TCF7L2: variants seen among roughly 807,000 people sequenced by gnomAD.
The protein encoded by TCF7L2 is transcription factor 7 like 2, also known as transcription factor 7-like 2.
In TCF7L2, 23 loss-of-function variants were observed where a neutral mutation model predicts 77.9. That is an observed-to-expected ratio of 0.30 (90% CI 0.21 to 0.42). TCF7L2 has a LOEUF of 0.42. TCF7L2 is among the 10% of genes least tolerant of loss of function. TCF7L2 has a pLI of 1.00. For synonymous variants in TCF7L2, 413 were observed against 340.2 expected, an observed-to-expected ratio of 1.21 and a Z score of -2.36; for missense variants, 654 against 793.1, an observed-to-expected ratio of 0.82 and a Z score of 2.11.
At chr10:113,149,306 T>C (rs1028816538) in intron 8 of TCF7L2, among the ~76,000 whole-genome samples, 5 of 152,240 alleles carry the variant, frequency 3.3e-5, no homozygotes, top group Non-Finnish European at 7.3e-5. Context: ...TCCTTACATT[T>C]TCCTTCTCTC....
intron 4 of TCF7L2, among the ~76,000 whole-genome samples, chr10:113,028,741 G>T (rs1001527338): frequency 6.6e-6 from 1 of 152,192 alleles, no homozygotes; most frequent in African/African-American, 2.4e-5. Context: ...ATGGGGAGGA[G>T]AACCTAATTA....
At chr10:113,084,135 C>T (rs2059589683) in intron 5 of TCF7L2, among the ~76,000 whole-genome samples, 1 of 152,166 alleles carries the variant, frequency 6.6e-6, no homozygotes. Flanking sequence ...TCTCCAGAGA[C>T]ATAAAACCAA....
At chr10:112,952,926 C>G (rs1195523497) in intron 3 of TCF7L2, among the ~76,000 whole-genome samples, 1 of 151,888 alleles carries the variant, frequency 6.6e-6, no homozygotes, top group Admixed American at 6.6e-5. Context: ...ACGCAAGACG[C>G]ATTTGTGCCC....
Position 113,097,396 on chromosome 10 carries a change from T to C in TCF7L2, c.553-43788T>C, listed in dbSNP as rs1348082792. 5.9e-5 allele frequency among the ~76,000 whole-genome samples: 9 copies of C among 152,224 alleles called. No individual in the cohort carries two copies. In the East Asian group the frequency reaches 1.7e-3, roughly 29 times the overall value. The stretch of plus-strand genomic sequence containing the variant: ...GGCCGGGCACGGTGGCTCACGCCTA[T>C]AATCCCAGCACTTTGGGAAGCCAAG... On this transcript the variant is annotated intron_variant, in intron 5 of 13. Transcript: ENST00000627217.
Position 113,033,266 on chromosome 10 carries a change from C to T in TCF7L2, c.451-6759C>T. Among the ~76,000 whole-genome samples the T allele has an allele frequency of 1.4e-5, 2 of 147,560 alleles. 1 individual carries two copies. The highest frequency in any genetic ancestry group is 4.0e-4 in the East Asian group (2 of 5,006). ...CGTTTCCTTTTCTTTTCTATTCTTC[C>T]TTTTTCTTTTGAGACCAGGTCTTGC... On this transcript the variant is annotated intron_variant, in intron 4 of 13. Coordinates refer to ENST00000627217, the MANE Select transcript of TCF7L2 (RefSeq NM_001146274.2).
chr10:113,095,897 C>A, intron 5 of TCF7L2, among the ~76,000 whole-genome samples: 1 of 152,214 alleles, frequency 6.6e-6, no homozygotes, highest in Non-Finnish European at 1.5e-5. Context: ...GTGGCTACCT[C>A]CCTTTTCCCC....
At chr10:113,012,391 T>G (rs917063507) in intron 4 of TCF7L2, among the ~76,000 whole-genome samples, 2 of 152,136 alleles carry the variant, frequency 1.3e-5, no homozygotes, top group Non-Finnish European at 2.9e-5. Flanking sequence ...GTTCTTACTT[T>G]GTTACGTGAG....
At chr10:113,040,588 T>C (rs1237023296) in intron 5 of TCF7L2, among the ~76,000 whole-genome samples, 1 of 152,242 alleles carries the variant, frequency 6.6e-6, no homozygotes, top group Non-Finnish European at 1.5e-5. Flanking sequence ...ACACTAACAT[T>C]AGAAAAATTT....
At chr10:113,051,773 A>G (rs1388540940) in intron 5 of TCF7L2, among the ~76,000 whole-genome samples, 2 of 152,120 alleles carry the variant, frequency 1.3e-5, no homozygotes, top group Non-Finnish European at 2.9e-5. Flanking sequence ...TTATTTTCAT[A>G]TTTTTGGTAT....
At chr10:112,991,730 CG>C (rs1424557049) in intron 4 of TCF7L2, among the ~76,000 whole-genome samples, 1 of 152,090 alleles carries the variant, frequency 6.6e-6, no homozygotes, top group East Asian at 1.9e-4. Flanking sequence ...AGGCCCCTGT[CG>C]GTCTGTTCAG....
intron 5 of TCF7L2, among the ~76,000 whole-genome samples, chr10:113,117,874 G>A (rs1271972122): frequency 6.6e-6 from 1 of 152,216 alleles, no homozygotes; most frequent in African/African-American, 2.4e-5. Flanking sequence ...AGTCCGAGGC[G>A]GTTGTCTGGG....
intron 12 of TCF7L2, 36 bp from the exon 13 acceptor site, chr10:113,158,631 T>C (rs1459633140): frequency 1.2e-6 from 2 of 1,611,422 alleles, no homozygotes; most frequent in South Asian, 2.2e-5. Flanking sequence ...AAACAAAAAT[T>C]TTGAAGGCTT....
chr10:113,038,553 T>C (rs527938636), intron 4 of TCF7L2, among the ~76,000 whole-genome samples: 13 of 152,350 alleles, frequency 8.5e-5, no homozygotes, highest in Non-Finnish European at 1.8e-4. Flanking sequence ...TGTGGATGGC[T>C]TTGGCACTTC....
intron 4 of TCF7L2, among the ~76,000 whole-genome samples, 178 bp downstream of exon 4, chr10:112,964,802 G>GTGGTGGTGATGGTGGTGGTGGTGA (rs2036247594): frequency 7.4e-6 from 1 of 135,878 alleles, no homozygotes; most frequent in African/African-American, 3.2e-5. Context: ...GATGGTGGTG[G>GTGGTGGTGATGGTGGTGGTGGTGA]TGGTGGTGGT....
chr10:112,987,106 A>T lies in TCF7L2; in HGVS notation c.450+22482A>T, dbSNP rs185471608. 3.5e-3 allele frequency among the ~76,000 whole-genome samples: 526 copies of T among 152,316 alleles called. 1 individual carries two copies. The highest frequency in any genetic ancestry group is 0.012 in the African/African-American group (502 of 41,558). On this transcript the variant is annotated intron_variant, in intron 4 of 13. Coordinates refer to ENST00000627217, the MANE Select transcript of TCF7L2 (RefSeq NM_001146274.2). ...TGTTCATTTCTTTTGTTTCTATTTT[A>T]AAAATACTTACCGAGCATCTTCTGG...
At chr10:112,953,438 C>T (rs1167690916) in intron 3 of TCF7L2, among the ~76,000 whole-genome samples, 2 of 152,098 alleles carry the variant, frequency 1.3e-5, no homozygotes, top group Admixed American at 6.5e-5. Context: ...CGGGACCGTT[C>T]GGCTCAGAAT....
chr10:112,993,613 G>A (rs1440075836), intron 4 of TCF7L2, among the ~76,000 whole-genome samples: 1 of 152,184 alleles, frequency 6.6e-6, no homozygotes, highest in Non-Finnish European at 1.5e-5. Context: ...GTGCACCTGG[G>A]CTTATCGTTA....
intron 5 of TCF7L2, among the ~76,000 whole-genome samples, chr10:113,073,129 T>TGTGTGTGTGTGTGTGTGTGAGAGA (rs56927661): frequency 8.1e-6 from 1 of 123,484 alleles, no homozygotes; most frequent in African/African-American, 3.1e-5. Context: ...TGTGTGTGTG[T>TGTGTGTGTGTGTGTGTGTGAGAGA]GAGAGAGAGA....
intron 5 of TCF7L2, among the ~76,000 whole-genome samples, chr10:113,125,323 A>AT (rs11436064): frequency 0.074 from 11,208 of 150,676 alleles, 1,373 homozygotes; most frequent in African/African-American, 0.26. Flanking sequence ...TGCCGTCTGC[A>AT]TTTTTTTTTA....
Sources: gnomAD v4.1 joint callset for allele counts (sites outside exome capture counted in the v4.1 genomes callset) on GRCh38, gnomAD v4.1.1 for gene constraint, MANE v1.5 for transcripts, NCBI Gene and HGNC (gene_info 2026-07-23, HGNC 2026-07-21) for gene names.